Variants in PLCL1 observed in about 807,000 individuals in gnomAD.
PLCL1 encodes the protein phospholipase C like 1 (inactive).
In PLCL1, 41 loss-of-function variants were observed where a neutral mutation model predicts 84.4. The ratio of observed to expected loss-of-function variants is 0.49; its 90% confidence interval spans 0.38 to 0.63. PLCL1 has a LOEUF of 0.63. PLCL1 is among the 30% of genes least tolerant of loss of function. The pLI is 0.00. For missense variants in PLCL1, 1,206 were observed against 1,367.8 expected (o/e 0.88, Z 1.87); for synonymous variants, 490 against 488.3 (o/e 1.00, Z -0.05).
At chr2:197,870,804 T>C (rs1254934999) in intron 1 of PLCL1, among the ~76,000 whole-genome samples, 1 of 151,408 alleles carries the variant, frequency 6.6e-6, no homozygotes, top group East Asian at 2.0e-4. Context: ...GGATGTGGAA[T>C]TGATGTGAGT....
chr2:197,897,191 C>CTTCTTCTTCTTCTCCTTCTTCTCCTT (rs1688165568), intron 1 of PLCL1, among the ~76,000 whole-genome samples: 1 of 32,216 alleles, frequency 3.1e-5, no homozygotes, highest in East Asian at 1.1e-3. Flanking sequence ...TTCTTCTTCT[C>CTTCTTCTTCTTCTCCTTCTTCTCCTT]CTTCTCCTTC....
intron 1 of PLCL1, among the ~76,000 whole-genome samples, chr2:197,986,670 A>G (rs773567104): frequency 6.6e-6 from 1 of 152,192 alleles, no homozygotes; most frequent in African/African-American, 2.4e-5. Flanking sequence ...ATTTTGATAG[A>G]TTTAACATCA....
chr2:198,058,053 C>G (rs1692108880), intron 1 of PLCL1, among the ~76,000 whole-genome samples: 1 of 152,094 alleles, frequency 6.6e-6, no homozygotes, highest in Admixed American at 6.6e-5. Context: ...AATGATGCCT[C>G]TGATATAGTG....
At chr2:198,097,635 A>T (rs1693233172) in intron 3 of PLCL1, among the ~76,000 whole-genome samples, 1 of 152,228 alleles carries the variant, frequency 6.6e-6, no homozygotes, top group African/African-American at 2.4e-5. Flanking sequence ...AACAAGAGAA[A>T]AAAAATGATC....
chr2:197,962,097 G>A (rs1324041734), intron 1 of PLCL1, among the ~76,000 whole-genome samples: 1 of 152,024 alleles, frequency 6.6e-6, no homozygotes, highest in Non-Finnish European at 1.5e-5. Context: ...AGCTTGCAGA[G>A]TTTGTTCATA....
At chr2:197,966,625 A>C (rs936692589) in intron 1 of PLCL1, among the ~76,000 whole-genome samples, 1 of 152,134 alleles carries the variant, frequency 6.6e-6, no homozygotes, top group Admixed American at 6.5e-5. Flanking sequence ...GGGATGGGGA[A>C]GGGATGGCAC....
chr2:198,063,917 G>T, intron 1 of PLCL1, among the ~76,000 whole-genome samples: 1 of 152,294 alleles, frequency 6.6e-6, no homozygotes, highest in South Asian at 2.1e-4. Context: ...CTGGTTAAGA[G>T]CAAGTACTCC....
chr2:197,956,889 T>C (rs1689507159), intron 1 of PLCL1, among the ~76,000 whole-genome samples: 1 of 152,156 alleles, frequency 6.6e-6, no homozygotes, highest in African/African-American at 2.4e-5. Flanking sequence ...ACTCTGATGA[T>C]AATTTTCTTT....
chr2:198,140,089 A>G (rs1408815331), intron 5 of PLCL1, among the ~76,000 whole-genome samples: 1 of 152,074 alleles, frequency 6.6e-6, no homozygotes, highest in Non-Finnish European at 1.5e-5. Context: ...GCCTAACAAC[A>G]CACCCAGCTA....
intron 1 of PLCL1, among the ~76,000 whole-genome samples, chr2:198,037,183 T>G (rs1452479497): frequency 1.3e-5 from 2 of 152,228 alleles, no homozygotes; most frequent in Non-Finnish European, 2.9e-5. Flanking sequence ...GTTTTACCAA[T>G]TAAAATCCAT....
chr2:197,964,826 G>A (rs1233774905), intron 1 of PLCL1, among the ~76,000 whole-genome samples: 1 of 152,044 alleles, frequency 6.6e-6, no homozygotes, highest in Non-Finnish European at 1.5e-5. Context: ...TGCTTTTTCA[G>A]CATCAATTGA....
In PLCL1 at chr2:198,101,379, T is replaced by C. The variant is rs749138052; in HGVS notation, c.2995+19T>C. 2 of 1,359,568 alleles carry C rather than the reference T, an allele frequency of 1.5e-6. No individual in the cohort carries two copies. Among genetic ancestry groups the C allele is most frequent in the South Asian group, 2.6e-5 (2 of 78,368 alleles). 84.2% of individuals were successfully genotyped at this position (1,359,568 alleles called of 1,614,324 possible). ...AAAGCAGGTAATTGTTTTTAATTTT[T>C]TTTTCTGTTTTTTTTTTCTATTTTG... On this transcript the variant is annotated intron_variant, in intron 4 of 5. Transcript: ENST00000428675.
In PLCL1 at chr2:198,034,240, C is replaced by T. The variant is rs547978937; in HGVS notation, c.241-49518C>T. On this transcript the variant is annotated intron_variant, in intron 1 of 5. Coordinates refer to ENST00000428675, the MANE Select transcript of PLCL1 (RefSeq NM_006226.4). ...GTTCCCACCTATGAGTGAGAACATG[C>T]GATGTTTGGTTTTTTGTCTTTGCGA... 1.6e-4 allele frequency among the ~76,000 whole-genome samples: 24 copies of T among 151,820 alleles called. No homozygotes were observed. In the East Asian group the frequency reaches 2.3e-3, roughly 15 times the overall value.
chr2:197,876,384 C>T (rs1472155595), intron 1 of PLCL1, among the ~76,000 whole-genome samples: 2 of 152,084 alleles, frequency 1.3e-5, no homozygotes, highest in South Asian at 2.1e-4. Context: ...TACAGGGATG[C>T]ATTTTATTTT....
intron 1 of PLCL1, among the ~76,000 whole-genome samples, chr2:198,070,408 A>T (rs1269633941): frequency 6.6e-6 from 1 of 152,144 alleles, no homozygotes; most frequent in Admixed American, 6.5e-5. Flanking sequence ...TTAAGAGAAG[A>T]TACACATTTT....
intron 1 of PLCL1, among the ~76,000 whole-genome samples, chr2:198,062,739 T>C (rs1692231168): frequency 1.3e-5 from 2 of 152,068 alleles, no homozygotes; most frequent in South Asian, 4.1e-4. Flanking sequence ...TATCATTTGT[T>C]AAAAAAAATA....
intron 1 of PLCL1, among the ~76,000 whole-genome samples, chr2:198,048,079 T>C (rs192339848): frequency 1.3e-3 from 199 of 152,300 alleles, no homozygotes; most frequent in African/African-American, 4.6e-3. Context: ...ATGGAGAATA[T>C]TGGATTTTCT....
chr2:197,866,570 T>C (rs1451002502), intron 1 of PLCL1, among the ~76,000 whole-genome samples: 1 of 152,060 alleles, frequency 6.6e-6, no homozygotes, highest in Non-Finnish European at 1.5e-5. Flanking sequence ...TGGACAGCAG[T>C]TCATTCTAGG....
At chr2:198,064,915 T>C (rs1692287968) in intron 1 of PLCL1, among the ~76,000 whole-genome samples, 2 of 152,198 alleles carry the variant, frequency 1.3e-5, no homozygotes. Context: ...GGGAAGCTTA[T>C]GGAGACAGAA....
Sources: gnomAD v4.1 joint callset for allele counts (sites outside exome capture counted in the v4.1 genomes callset) on GRCh38, gnomAD v4.1.1 for gene constraint, MANE v1.5 for transcripts, NCBI Gene and HGNC (gene_info 2026-07-23, HGNC 2026-07-21) for gene names.